The following STX8 variants were observed in gnomAD, a reference collection of about 807,000 sequenced individuals.
STX8 encodes the protein syntaxin-8.
In STX8, 23 loss-of-function variants were observed where a neutral mutation model predicts 37.5. The ratio of observed to expected loss-of-function variants is 0.61; its 90% CI spans 0.44 to 0.87. The LOEUF is 0.87. Among genes scored for constraint, STX8 ranks in the 40% least tolerant of loss-of-function variants. STX8 has a pLI of 0.00. For synonymous variants in STX8, 115 were observed against 99.1 expected, an observed-to-expected ratio of 1.16 and a Z score of -0.95; for missense variants, 313 against 284.7, an observed-to-expected ratio of 1.10 and a Z score of -0.71.
In STX8 at chr17:9,429,739, AT is replaced by A. The variant is rs1282557068; in HGVS notation, c.542-51087del. ...TATTATATATTTTATATTATATTAT[AT>A]ATTATATATATTATATTTTATATAT... is the stretch of plus-strand genomic sequence containing the variant. On this transcript the variant is annotated intron_variant, in intron 6 of 7. Coordinates refer to ENST00000306357, the MANE Select transcript of STX8 (RefSeq NM_004853.3). Among the ~76,000 whole-genome samples the A allele has an allele frequency of 1.3e-4, 4 of 30,416 alleles. 1 individual carries two copies. Among genetic ancestry groups the A allele is most frequent in the African/African-American group, 4.7e-4 (4 of 8,512 alleles). 20.0% of individuals were successfully genotyped at this position (30,416 alleles called of 152,430 possible).
intron 7 of STX8, among the ~76,000 whole-genome samples, chr17:9,300,849 T>C (rs1908749208): frequency 6.9e-6 from 1 of 145,648 alleles, no homozygotes; most frequent in Admixed American, 6.9e-5. Context: ...TTTTTTTTTT[T>C]TTTGAGACGG....
chr17:9,338,577 G>A (rs1368864614), intron 7 of STX8, among the ~76,000 whole-genome samples: 1 of 152,100 alleles, frequency 6.6e-6, no homozygotes, highest in African/African-American at 2.4e-5. Context: ...CCACTCACAT[G>A]GTCTTTGTCA....
At chr17:9,435,878 A>G (rs965481702) in intron 6 of STX8, among the ~76,000 whole-genome samples, 3 of 152,156 alleles carry the variant, frequency 2.0e-5, no homozygotes, top group Non-Finnish European at 1.5e-5. Context: ...CCTAATAATA[A>G]TTTTTGTCAA....
intron 6 of STX8, among the ~76,000 whole-genome samples, chr17:9,399,080 G>A (rs1232103550): frequency 1.3e-5 from 2 of 148,994 alleles, no homozygotes; most frequent in East Asian, 4.0e-4. Context: ...CAGTAATCAA[G>A]ACAGTACAGT....
At chr17:9,364,501 G>A (rs755283191) in intron 7 of STX8, among the ~76,000 whole-genome samples, 14 of 152,008 alleles carry the variant, frequency 9.2e-5, no homozygotes, top group Non-Finnish European at 1.8e-4. Flanking sequence ...ATGATAGCTA[G>A]GTAGATATTT....
intron 6 of STX8, among the ~76,000 whole-genome samples, chr17:9,474,924 A>G (rs1158797943): frequency 6.6e-6 from 1 of 152,218 alleles, no homozygotes; most frequent in East Asian, 1.9e-4. Context: ...GTGAGCTGAT[A>G]TCATGCCACT....
chr17:9,319,186 G>A (rs1283596460), intron 7 of STX8, among the ~76,000 whole-genome samples: 9 of 152,314 alleles, frequency 5.9e-5, no homozygotes, highest in Admixed American at 3.3e-4. Flanking sequence ...TTGGGAGGCC[G>A]AGGCGGGCGG....
intron 6 of STX8, among the ~76,000 whole-genome samples, chr17:9,486,104 T>TA (rs1449520819): frequency 6.6e-6 from 1 of 152,028 alleles, no homozygotes; most frequent in Non-Finnish European, 1.5e-5. Flanking sequence ...AACTCACCTA[T>TA]AAAAAATCAA....
At chr17:9,453,717 T>G (rs1905111221) in intron 6 of STX8, among the ~76,000 whole-genome samples, 3 of 152,088 alleles carry the variant, frequency 2.0e-5, no homozygotes, top group Admixed American at 1.3e-4. Flanking sequence ...GGTCTCAAAC[T>G]CCTGACCTCA....
At chr17:9,468,212 C>G (rs1041353586) in intron 6 of STX8, among the ~76,000 whole-genome samples, 1 of 152,048 alleles carries the variant, frequency 6.6e-6, no homozygotes, top group Non-Finnish European at 1.5e-5. Flanking sequence ...CGGGTTCAAG[C>G]AATTCTCCTG....
chr17:9,472,832 C>T (rs1382442471), intron 6 of STX8, among the ~76,000 whole-genome samples: 1 of 152,154 alleles, frequency 6.6e-6, no homozygotes, highest in African/African-American at 2.4e-5. Flanking sequence ...TTGGAAAACC[C>T]TCATCCCTTT....
intron 5 of STX8, among the ~76,000 whole-genome samples, chr17:9,499,325 G>A (rs193159814): frequency 2.7e-4 from 41 of 152,310 alleles, no homozygotes; most frequent in Admixed American, 8.5e-4. Context: ...GCTAATAAGG[G>A]TTCTGTGTGA....
chr17:9,444,223 G>A (rs138908166), intron 6 of STX8, among the ~76,000 whole-genome samples: 18 of 152,074 alleles, frequency 1.2e-4, no homozygotes, highest in African/African-American at 3.4e-4. Flanking sequence ...CTCCTGCCTC[G>A]AGCGGTCCTC....
rs56397884 is a variant in STX8, at chr17:9,286,214, C to T, written c.644-35569G>A. On this transcript the variant is annotated intron_variant, in intron 7 of 7. Coordinates refer to ENST00000306357, the MANE Select transcript of STX8 (RefSeq NM_004853.3). The stretch of plus-strand genomic sequence containing the variant: ...GGCTCAAATTTGCAACTTAAATATT[C>T]GGTATGAAAACGAAAGTTATTTAAC... Among the ~76,000 whole-genome samples the T allele has an allele frequency of 1.4e-3, 209 of 152,314 alleles. 1 individual carries two copies. The highest frequency in any genetic ancestry group is 4.7e-3 in the African/African-American group (197 of 41,550).
intron 6 of STX8, among the ~76,000 whole-genome samples, chr17:9,429,564 G>A (rs865876471): frequency 3.4e-4 from 47 of 138,500 alleles, no homozygotes; most frequent in African/African-American, 1.0e-3. Context: ...TTAGCCGGGC[G>A]TGGTGGCGGG....
At chr17:9,505,841 C>G (rs927184274) in intron 4 of STX8, among the ~76,000 whole-genome samples, 11 of 150,668 alleles carry the variant, frequency 7.3e-5, no homozygotes, top group Non-Finnish European at 1.5e-4. Flanking sequence ...ACTTGGGAGG[C>G]TGAGGCAGGA....
At chr17:9,456,098 T>C (rs1298565796) in intron 6 of STX8, among the ~76,000 whole-genome samples, 1 of 152,122 alleles carries the variant, frequency 6.6e-6, no homozygotes, top group Non-Finnish European at 1.5e-5. Flanking sequence ...GCTGTTAAGC[T>C]TTTAAATACG....
chr17:9,519,856 A>C (rs187468883), intron 4 of STX8, among the ~76,000 whole-genome samples: 3 of 149,894 alleles, frequency 2.0e-5, no homozygotes, highest in African/African-American at 7.4e-5. Context: ...CTAAGGTTCA[A>C]CTCAAATGTC....
intron 7 of STX8, among the ~76,000 whole-genome samples, chr17:9,336,295 A>C (rs927499202): frequency 7.2e-5 from 11 of 152,234 alleles, no homozygotes. Context: ...GAACAACTTC[A>C]CAGGTGGATA....
Sources: allele counts gnomAD v4.1 joint callset (sites outside exome capture counted in the v4.1 genomes callset), GRCh38; gene constraint gnomAD v4.1.1; transcripts MANE v1.5; gene names NCBI Gene and HGNC (gene_info 2026-07-23, HGNC 2026-07-21).